ADGRA1: variants seen among roughly 807,000 people sequenced by gnomAD.
The protein encoded by ADGRA1 is adhesion G protein-coupled receptor A1.
In ADGRA1, 12 loss-of-function variants were observed where a neutral mutation model predicts 21.3. The ratio of observed to expected loss-of-function variants is 0.56; its 90% confidence interval spans 0.36 to 0.91. The LOEUF (loss-of-function observed/expected upper bound fraction) is 0.91, where lower values mean the gene tolerates loss of function less well. Ranked by LOEUF, ADGRA1 falls within the 40% of genes least tolerant of loss-of-function variation. The pLI, the probability that ADGRA1 is intolerant of heterozygous loss-of-function variation, is 0.01. For missense variants in ADGRA1, 790 were observed against 805.6 expected (o/e 0.98, Z 0.23); for synonymous variants, 385 against 368.8 (o/e 1.04, Z -0.50).
chr10:133,111,178 AG>A lies in ADGRA1; in HGVS notation c.401+8337del, dbSNP rs1851989158. Among the ~76,000 whole-genome samples, 57 of 19,380 alleles carry A rather than the reference AG, an allele frequency of 2.9e-3. 6 individuals are homozygous for A. Among genetic ancestry groups the A allele is most frequent in the South Asian group, 6.8e-3 (3 of 440 alleles). 12.7% of individuals were successfully genotyped at this position (19,380 alleles called of 152,430 possible). A position where few individuals can be genotyped will look rare whatever the true frequency, so the allele number is the denominator to read the frequency against. ...CCCACCAGACCACCTGCCCGCCGTG[AG>A]CACCTCCCTCCTAATCCCTCCAGAC... On this transcript the variant is annotated intron_variant, in intron 5 of 6. Coordinates refer to ENST00000392607, the MANE Select transcript of ADGRA1 (RefSeq NM_001083909.3).
intron 5 of ADGRA1, among the ~76,000 whole-genome samples, chr10:133,110,271 C>T (rs754184406): frequency 1.1e-3 from 165 of 152,396 alleles, no homozygotes; most frequent in Admixed American, 1.5e-3. Context: ...GCTCAAGCTC[C>T]GCATTCTTGC....
chr10:133,118,951 C>T (rs1053775130), intron 5 of ADGRA1, among the ~76,000 whole-genome samples: 2 of 151,768 alleles, frequency 1.3e-5, no homozygotes, highest in African/African-American at 2.4e-5. Flanking sequence ...TGTGCACACA[C>T]ACTCATGCAT....
intron 2 of ADGRA1, among the ~76,000 whole-genome samples, chr10:133,093,458 G>A (rs544751016): frequency 5.9e-5 from 9 of 152,236 alleles, no homozygotes; most frequent in Non-Finnish European, 1.3e-4. Context: ...GCCAGAGCAC[G>A]AGTCCCACGC....
At chr10:133,122,176 T>G (rs1205035971) in intron 5 of ADGRA1, among the ~76,000 whole-genome samples, 1 of 152,230 alleles carries the variant, frequency 6.6e-6, no homozygotes, top group African/African-American at 2.4e-5. Flanking sequence ...GGACACAGTG[T>G]TGGTCTCAGA....
intron 4 of ADGRA1, 141 bp from the exon 5 acceptor site, chr10:133,102,556 C>A: frequency 1.1e-6 from 1 of 951,626 alleles, no homozygotes; most frequent in Non-Finnish European, 1.6e-6. Context: ...GGCTGTGGGG[C>A]GGCCGCTGCC....
chr10:133,124,161 T>C (rs1056985151), intron 5 of ADGRA1, among the ~76,000 whole-genome samples: 1 of 150,628 alleles, frequency 6.6e-6, no homozygotes, highest in African/African-American at 2.4e-5. Context: ...TCTTGGGCTC[T>C]GCACCCTCCC....
chr10:133,095,543 C>A, intron 2 of ADGRA1: 1 of 1,325,794 alleles, frequency 7.5e-7, no homozygotes, highest in Non-Finnish European at 1.0e-6. Context: ...GGCTCCTCGT[C>A]CCGGGATGCA....
intron 5 of ADGRA1, among the ~76,000 whole-genome samples, chr10:133,113,176 GTTATTTGAGGT>G (rs1852093767): frequency 6.7e-6 from 1 of 149,930 alleles, no homozygotes. Context: ...AGCCGCGTCG[GTTATTTGAGGT>G]CTGTAAGCCG....
In ADGRA1 at chr10:133,087,968, G is replaced by A; in HGVS notation, c.-373G>A. 1.0e-6 allele frequency: 1 copy of A among 984,796 alleles called. No homozygotes were observed. Among genetic ancestry groups the A allele is most frequent in the Non-Finnish European group, 1.2e-6 (1 of 829,758 alleles). The allele number at this position is 984,796 out of a possible 1,614,324, so 61.0% of individuals were successfully genotyped here. On this transcript the variant is annotated 5_prime_UTR_variant, in exon 1 of 7. Coordinates refer to ENST00000392607, the MANE Select transcript of ADGRA1 (RefSeq NM_001083909.3). The stretch of plus-strand genomic sequence containing the variant: ...TGGCCGGGCTGGGCCGCTCGTGCGC[G>A]GGGCTGTGACTCACCGGCCGGCGCC...
chr10:133,115,673 G>T (rs10776695), intron 5 of ADGRA1, among the ~76,000 whole-genome samples: 2 of 152,046 alleles, frequency 1.3e-5, no homozygotes, highest in East Asian at 3.9e-4. Context: ...GCACAGCCGA[G>T]GGTCGGCCGA....
rs376424433 is a variant in ADGRA1, at chr10:133,091,374, G to A, written c.3+2462G>A. Among the ~76,000 whole-genome samples the A allele has an allele frequency of 2.0e-4, 30 of 152,308 alleles. No individual in the cohort carries two copies. In the East Asian group the frequency reaches 3.9e-3, roughly 20 times the overall value. On this transcript the variant is annotated intron_variant, in intron 2 of 6. Transcript: ENST00000392607. ...GGATGGGCGGTGTGGCTGGTGCAGT[G>A]TGGTTGCTGTGGGATATGGTGTGGT...
chr10:133,128,901 C>T lies in ADGRA1; in HGVS notation c.1073C>T (p.Pro358Leu). ...GLGQPRGFAH[P>L]PGPCKMTNLQ... ...GGCCAGCCACGGGGCTTCGCGCACC[C>T]ACCGGGCCCCTGCAAGATGACCAAC... The change falls in exon 7 of 7, where the codon CCA becomes CTA. Residue 358 changes from proline (P) to leucine (L), a missense_variant. Pro to Leu is a moderately conservative substitution (Grantham distance 98). This residue lies in a region of ADGRA1 where 391 missense variants were observed against 351.5 expected (regional missense o/e 1.11). Transcript: ENST00000392607. The T allele has an allele frequency of 1.3e-6, 2 of 1,557,844 alleles. No homozygotes were observed. The highest frequency in any genetic ancestry group is 1.7e-6 in the Non-Finnish European group (2 of 1,154,776).
intron 5 of ADGRA1, among the ~76,000 whole-genome samples, chr10:133,113,454 G>T (rs2135895114): frequency 6.6e-6 from 1 of 152,332 alleles, no homozygotes; most frequent in South Asian, 2.1e-4. Flanking sequence ...GGCTCCTTCA[G>T]CTGGGAACCC....
chr10:133,087,984 G>C lies in ADGRA1; in HGVS notation c.-357G>C, dbSNP rs1047214769. On this transcript the variant is annotated 5_prime_UTR_variant, in exon 1 of 7. Transcript: ENST00000392607. ...CTCGTGCGCGGGGCTGTGACTCACC[G>C]GCCGGCGCCGCAGCCCCGCAATCTG... 2 of 984,894 alleles carry C rather than the reference G, an allele frequency of 2.0e-6. No homozygotes were observed. Among genetic ancestry groups the C allele is most frequent in the African/African-American group, 3.5e-5 (2 of 57,184 alleles). The allele number at this position is 984,894 out of a possible 1,614,324, so 61.0% of individuals were successfully genotyped here. A position where few individuals can be genotyped will look rare whatever the true frequency, so the allele number is the denominator to read the frequency against.
intron 2 of ADGRA1, among the ~76,000 whole-genome samples, chr10:133,089,800 T>C (rs914524318): frequency 9.9e-5 from 15 of 152,232 alleles, no homozygotes; most frequent in Non-Finnish European, 1.8e-4. Flanking sequence ...CAACATTCAG[T>C]ATCGTCTTCC....
chr10:133,122,930 T>C (rs1435689417), intron 5 of ADGRA1, among the ~76,000 whole-genome samples: 1 of 151,938 alleles, frequency 6.6e-6, no homozygotes, highest in African/African-American at 2.4e-5. Context: ...TCATAGCAGA[T>C]TTCTCTGATT....
Position 133,128,371 on chromosome 10 carries a change from C to G in ADGRA1, c.543C>G (p.Gly181=). The change falls in exon 7 of 7, where the codon GGC becomes GGG. Residue 181 remains glycine (G), a synonymous_variant. Transcript: ENST00000392607. ...AWEPSLGAFY[G]PAAIITLVTC... is the part of the protein sequence containing the mutation. ...AGCCCAGCCTGGGCGCCTTCTACGG[C>G]CCAGCCGCCATCATCACCCTGGTCA... The G allele has an allele frequency of 1.3e-6, 2 of 1,581,346 alleles. No homozygotes were observed. The highest frequency in any genetic ancestry group is 1.7e-6 in the Non-Finnish European group (2 of 1,165,916).
intron 3 of ADGRA1, among the ~76,000 whole-genome samples, chr10:133,097,561 A>G (rs1336567329): frequency 6.6e-6 from 1 of 152,176 alleles, no homozygotes; most frequent in Non-Finnish European, 1.5e-5. Context: ...TCTGAGGCCA[A>G]GGTCGCCTCG....
rs141746409 is a variant in ADGRA1, at chr10:133,120,460, G to A, written c.402-6773G>A. 2.2e-3 allele frequency among the ~76,000 whole-genome samples: 337 copies of A among 152,320 alleles called. 3 individuals are homozygous for A. In the Middle Eastern group the frequency reaches 0.037, roughly 17 times the overall value. On this transcript the variant is annotated intron_variant, in intron 5 of 6. Coordinates refer to ENST00000392607, the MANE Select transcript of ADGRA1 (RefSeq NM_001083909.3). ...TGCAGCCTCCCTCATCGCTATCTTG[G>A]CCAGATCTTCTGGAGAACTTGCTGC...
Sources: allele counts gnomAD v4.1 joint callset (sites outside exome capture counted in the v4.1 genomes callset), GRCh38; gene constraint gnomAD v4.1.1; regional missense constraint gnomAD v4.1.1; transcripts MANE v1.5; gene names NCBI Gene and HGNC (gene_info 2026-07-23, HGNC 2026-07-21).